NAV2: variants seen among roughly 807,000 people sequenced by gnomAD.
NAV2 encodes helicase, APC down-regulated 1.
In NAV2, 54 loss-of-function variants were observed where a neutral mutation model predicts 223.2. The ratio of observed to expected loss-of-function variants is 0.24; its 90% CI spans 0.19 to 0.30. NAV2 has a LOEUF of 0.30. NAV2 is among the 10% of genes least tolerant of loss of function. The probability of loss-of-function intolerance (pLI) is 1.00; values close to 1 mark genes in which losing one functional copy is unlikely to be tolerated. For missense variants in NAV2, 2,806 were observed against 3,147.5 expected (o/e 0.89, Z 2.60); for synonymous variants, 1,279 against 1,239.3 (o/e 1.03, Z -0.67).
intron 1 of NAV2, among the ~76,000 whole-genome samples, chr11:19,668,008 C>T (rs2048464533): frequency 6.6e-6 from 1 of 152,160 alleles, no homozygotes; most frequent in African/African-American, 2.4e-5. Context: ...TAAATCCCCC[C>T]AAACTCCCCC....
At chr11:19,516,519 A>T (rs182371809) in intron 1 of NAV2, among the ~76,000 whole-genome samples, 140 of 152,370 alleles carry the variant, frequency 9.2e-4, no homozygotes, top group African/African-American at 3.3e-3. Context: ...ATTCTTCACC[A>T]CAACTCATCT....
At chr11:19,590,954 A>G (rs1206759493) in intron 1 of NAV2, among the ~76,000 whole-genome samples, 1 of 152,176 alleles carries the variant, frequency 6.6e-6, no homozygotes, top group African/African-American at 2.4e-5. Context: ...TTCAATACAG[A>G]CATACTGATG....
intron 1 of NAV2, among the ~76,000 whole-genome samples, chr11:19,595,587 C>G (rs546705986): frequency 4.2e-4 from 64 of 151,746 alleles, no homozygotes; most frequent in Admixed American, 4.2e-3. Context: ...CAGGATCTCA[C>G]TCTGTTGCCC....
At chr11:19,906,323 C>G (rs1421502212) in intron 6 of NAV2, among the ~76,000 whole-genome samples, 1 of 152,186 alleles carries the variant, frequency 6.6e-6, no homozygotes, top group Non-Finnish European at 1.5e-5. Context: ...GTTGGCCAAA[C>G]CTAGTCACGT....
intron 1 of NAV2, among the ~76,000 whole-genome samples, chr11:19,753,646 T>C (rs920185890): frequency 2.0e-5 from 3 of 152,242 alleles, no homozygotes; most frequent in Non-Finnish European, 4.4e-5. Context: ...GAACAGCAAA[T>C]GTGTCTTTCA....
Position 20,044,244 on chromosome 11 carries a change from G to A in NAV2, c.3171G>A (p.Pro1057=), listed in dbSNP as rs774241850. ...TGCCAAGGACGAAGCCTTCAGCCCC[G>A]GCAGGCGCACTGAAGACCCCAGGAA... ...ITMPRTKPSA[P]AGALKTPGTG... is the part of the protein sequence containing the mutation. Residue 1057 remains proline, a synonymous_variant, in exon 13 of 38, where the codon CCG becomes CCA. Coordinates refer to ENST00000349880, the MANE Select transcript of NAV2 (RefSeq NM_145117.5). The A allele has an allele frequency of 2.5e-5, 41 of 1,612,184 alleles. No homozygotes were observed. The highest frequency in any genetic ancestry group is 1.6e-4 in the Middle Eastern group (1 of 6,080).
intron 1 of NAV2, among the ~76,000 whole-genome samples, chr11:19,615,956 G>T (rs1024205341): frequency 9.9e-5 from 15 of 152,218 alleles, no homozygotes; most frequent in Middle Eastern, 3.4e-3. Context: ...AACCCTGTAA[G>T]CAGAGCGCTG....
At position 19,713,586 on chromosome 11, in the gene NAV2, G is replaced by C; in HGVS notation, c.-110G>C. On this transcript the variant is annotated 5_prime_UTR_variant, in exon 1 of 38. Coordinates refer to ENST00000349880, the MANE Select transcript of NAV2 (RefSeq NM_145117.5). This position sits in a 1 kb window ranked among gnomAD's most constrained non-coding sequence, Gnocchi z 7.2. ...TTTTTTTTAGCCGCTGGTGGTGGGC[G>C]CCTCGTGGGCTAAGGCCCGGCGCCT... 1 of 1,400,730 alleles carries C rather than the reference G, an allele frequency of 7.1e-7. No homozygotes were observed. Among genetic ancestry groups the C allele is most frequent in the Non-Finnish European group, 9.3e-7 (1 of 1,076,216 alleles). 86.8% of individuals were successfully genotyped at this position (1,400,730 alleles called of 1,614,324 possible). A position where few individuals can be genotyped will look rare whatever the true frequency, so the allele number is the denominator to read the frequency against.
intron 1 of NAV2, among the ~76,000 whole-genome samples, chr11:19,543,453 G>A (rs73420158): frequency 1.3e-5 from 2 of 152,124 alleles, no homozygotes; most frequent in African/African-American, 2.4e-5. Flanking sequence ...GCGTGGTCCT[G>A]TATCTATTCT....
chr11:19,846,943 T>G (rs1427094347), intron 3 of NAV2, among the ~76,000 whole-genome samples: 3 of 152,184 alleles, frequency 2.0e-5, no homozygotes, highest in Non-Finnish European at 4.4e-5. Flanking sequence ...GAGATGGAGC[T>G]TTAGAAACAA....
intron 1 of NAV2, among the ~76,000 whole-genome samples, chr11:19,461,897 C>T (rs1277539927): frequency 6.6e-6 from 1 of 152,186 alleles, no homozygotes; most frequent in Non-Finnish European, 1.5e-5. Flanking sequence ...CCTCCGCCTC[C>T]CGGATTCCAG....
chr11:19,388,183 C>A (rs1482590814), intron 1 of NAV2, among the ~76,000 whole-genome samples: 1 of 152,164 alleles, frequency 6.6e-6, no homozygotes, highest in Non-Finnish European at 1.5e-5. Context: ...AAACAATGTG[C>A]GAATCTTTGT....
chr11:19,662,809 G>A (rs1326574953), intron 1 of NAV2, among the ~76,000 whole-genome samples: 1 of 152,202 alleles, frequency 6.6e-6, no homozygotes, highest in East Asian at 1.9e-4. Context: ...TAGCCTTTTG[G>A]CTACTTTTCC....
chr11:20,058,785 A>G (rs2058519164), intron 19 of NAV2, among the ~76,000 whole-genome samples: 1 of 152,220 alleles, frequency 6.6e-6, no homozygotes, highest in Non-Finnish European at 1.5e-5. Flanking sequence ...AAATAATTGT[A>G]CCTGCTTTGG....
At chr11:19,553,997 C>A (rs2044780031) in intron 1 of NAV2, among the ~76,000 whole-genome samples, 1 of 152,210 alleles carries the variant, frequency 6.6e-6, no homozygotes, top group African/African-American at 2.4e-5. Context: ...CTTTCTGTTC[C>A]CCTAGCAATC....
At chr11:20,010,808 G>A (rs1183475688) in intron 11 of NAV2, among the ~76,000 whole-genome samples, 1 of 152,134 alleles carries the variant, frequency 6.6e-6, no homozygotes, top group Non-Finnish European at 1.5e-5. Context: ...TTAATACCTG[G>A]GGATCTTTTT....
Position 20,118,341 on chromosome 11 carries a change from T to A in NAV2, c.*83T>A. On this transcript the variant is annotated 3_prime_UTR_variant, in exon 38 of 38. Transcript: ENST00000349880. ...CCACATCACCCTGAAGATGACTTCC[T>A]GAGCCAGCCCCCAGCCACAGCCTTA... 11 of 1,485,256 alleles carry A rather than the reference T, an allele frequency of 7.4e-6. No homozygotes were observed. Among genetic ancestry groups the A allele is most frequent in the Middle Eastern group, 1.9e-4 (1 of 5,284 alleles). The allele number at this position is 1,485,256 out of a possible 1,614,324, so 92.0% of individuals were successfully genotyped here.
At chr11:19,879,027 C>A (rs1218589942) in intron 4 of NAV2, among the ~76,000 whole-genome samples, 3 of 152,180 alleles carry the variant, frequency 2.0e-5, no homozygotes, top group Non-Finnish European at 2.9e-5. Context: ...GTCCCTCACG[C>A]TCAGTAGCCC....
At chr11:19,370,934 T>C (rs946275880) in intron 1 of NAV2, among the ~76,000 whole-genome samples, 1 of 152,220 alleles carries the variant, frequency 6.6e-6, no homozygotes, top group Non-Finnish European at 1.5e-5. Context: ...GATTGTTTGC[T>C]CCTGAGCTGC....
Sources: allele counts gnomAD v4.1 joint callset (sites outside exome capture counted in the v4.1 genomes callset), GRCh38; gene constraint gnomAD v4.1.1; non-coding constraint Gnocchi (gnomAD v3.1); transcripts MANE v1.5; gene names NCBI Gene and HGNC (gene_info 2026-07-23, HGNC 2026-07-21).